Variants in DNAH5 observed in about 807,000 individuals in gnomAD.
DNAH5 encodes the protein axonemal beta dynein heavy chain 5.
In DNAH5, 372 loss-of-function variants were observed where a neutral mutation model predicts 518.2. That is an observed-to-expected ratio of 0.72 (90% confidence interval 0.66 to 0.78). The LOEUF is 0.78. Ranked by LOEUF, DNAH5 falls within the 30% of genes least tolerant of loss-of-function variation. The probability of loss-of-function intolerance (pLI) is 0.00; values close to 1 mark genes in which losing one functional copy is unlikely to be tolerated. For missense variants in DNAH5, 5,523 were observed against 5,687.0 expected (o/e 0.97, Z 0.93); for synonymous variants, 2,039 against 2,025.9 (o/e 1.01, Z -0.17).
At chr5:14,001,657 C>G (rs2152083853) in intron 1 of DNAH5, among the ~76,000 whole-genome samples, 1 of 151,994 alleles carries the variant, frequency 6.6e-6, no homozygotes, top group East Asian at 1.9e-4. Flanking sequence ...GCCACTGTGC[C>G]CAGCCTAGTT....
chr5:13,938,906 C>T lies in DNAH5; in HGVS notation c.57+5476G>A, dbSNP rs191888437. On this transcript the variant is annotated intron_variant, in intron 1 of 78. Coordinates refer to ENST00000265104, the MANE Select transcript of DNAH5 (RefSeq NM_001369.3). ...CTGTGGATGAATCAGGACAAATTCA[C>T]GAGCAGAAAAAGAAAATTATTCAAC... is the stretch of plus-strand genomic sequence containing the variant. 1.1e-4 allele frequency among the ~76,000 whole-genome samples: 17 copies of T among 152,222 alleles called. No individual in the cohort carries two copies. In the East Asian group the frequency reaches 1.2e-3, roughly 10 times the overall value.
chr5:13,864,958 C>T (rs554763704), intron 27 of DNAH5, among the ~76,000 whole-genome samples: 1 of 150,930 alleles, frequency 6.6e-6, no homozygotes, highest in East Asian at 2.0e-4. Flanking sequence ...AAGCACAAAG[C>T]ATAGCAAAGT....
Position 13,717,480 on chromosome 5 carries a change from C to T in DNAH5, c.12540G>A (p.Gln4180=). The T allele has an allele frequency of 1.2e-6, 2 of 1,614,186 alleles. No individual in the cohort carries two copies. Among genetic ancestry groups the T allele is most frequent in the East Asian group, 2.2e-5 (1 of 44,870 alleles). ...CCACTGCGTACAGCATGGGCTTCCA[C>T]TGGGACCCAGAGCTCACGTCCAGCA... is the stretch of plus-strand genomic sequence containing the variant. ...QDLLDVSSGS[Q]WKPMLYAVAF... The change falls in exon 73 of 79, where the codon CAG becomes CAA. Residue 4180 remains glutamine, a synonymous_variant. Transcript: ENST00000265104.
chr5:13,984,974 C>T (rs1382639098), intron 1 of DNAH5, among the ~76,000 whole-genome samples: 1 of 152,142 alleles, frequency 6.6e-6, no homozygotes, highest in Non-Finnish European at 1.5e-5. Context: ...AAGACACATG[C>T]ACATGTATGT....
chr5:13,868,636 G>T (rs891921032), intron 24 of DNAH5, among the ~76,000 whole-genome samples: 1 of 152,206 alleles, frequency 6.6e-6, no homozygotes, highest in Non-Finnish European at 1.5e-5. Context: ...GGTGGAATGA[G>T]TGCCTGATTA....
At chr5:13,747,291 T>C (rs1235646436) in intron 65 of DNAH5, among the ~76,000 whole-genome samples, 1 of 152,190 alleles carries the variant, frequency 6.6e-6, no homozygotes, top group Non-Finnish European at 1.5e-5. Flanking sequence ...TCTATCATTG[T>C]TGGACATTTG....
Position 13,829,653 on chromosome 5 carries a change from A to G in DNAH5, c.6301T>C (p.Phe2101Leu). The stretch of plus-strand genomic sequence containing the variant: ...GGCACCATCATGGCCACTGAGCGGA[A>G]ATTAATCTTCAAGTTTTCAGGGAGT... The part of the protein sequence containing the change: ...QELPENLKIN[F>L]RSVAMMVPDR... The change falls in exon 38 of 79, where the codon TTC (phenylalanine) becomes CTC (leucine). Residue 2101 changes from phenylalanine to leucine, a missense_variant. Transcript: ENST00000265104. 1 of 1,614,198 alleles carries G rather than the reference A, an allele frequency of 6.2e-7. No individual in the cohort carries two copies. Among genetic ancestry groups the G allele is most frequent in the Non-Finnish European group, 8.5e-7 (1 of 1,180,030 alleles).
rs1224494428 is a variant in DNAH5, at chr5:13,721,086, T to C, written c.12193A>G (p.Arg4065Gly). 6.2e-7 allele frequency: 1 copy of C among 1,614,138 alleles called. No individual in the cohort carries two copies. The highest frequency in any genetic ancestry group is 1.1e-5 in the South Asian group (1 of 91,080). Residue 4065 changes from arginine to glycine, a missense_variant, in exon 71 of 79, where the codon AGA (arginine) becomes GGA (glycine). By Grantham distance (125) the Arg-to-Gly change is moderately radical. Transcript: ENST00000265104. Reference sequence around the variant, plus strand: ...ACATAACGGGTTTCTATTTTTAATCTCTTCCCCAAGGCAATGATGGAATCT... The same window carrying C: ...ACATAACGGGTTTCTATTTTTAATCCCTTCCCCAAGGCAATGATGGAATCT... ...PTDSIIALGK[R>G]LKIETRYVSM...
intron 1 of DNAH5, among the ~76,000 whole-genome samples, chr5:13,957,473 C>A (rs1192460608): frequency 6.6e-6 from 1 of 152,130 alleles, no homozygotes; most frequent in Non-Finnish European, 1.5e-5. Flanking sequence ...TTCTAACCCA[C>A]AAGAAACTTG....
intron 29 of DNAH5, among the ~76,000 whole-genome samples, chr5:13,861,755 G>C (rs373015807): frequency 6.6e-6 from 1 of 151,972 alleles, no homozygotes; most frequent in Non-Finnish European, 1.5e-5. Flanking sequence ...CCAGGAGTTT[G>C]AGACCAGCCT....
intron 59 of DNAH5, among the ~76,000 whole-genome samples, chr5:13,763,877 G>A (rs377044541): frequency 2.0e-5 from 3 of 152,304 alleles, no homozygotes; most frequent in South Asian, 4.1e-4. Context: ...TGTCAGGAAC[G>A]TGTAATCACT....
At chr5:13,706,837 A>G (rs61527981) in intron 76 of DNAH5, among the ~76,000 whole-genome samples, 4,359 of 152,326 alleles carry the variant, frequency 0.029, 201 homozygotes, top group African/African-American at 0.095. Flanking sequence ...TACATACTAC[A>G]TACTGTATTT....
At chr5:13,970,135 T>C (rs1382677214) in intron 1 of DNAH5, among the ~76,000 whole-genome samples, 2 of 152,242 alleles carry the variant, frequency 1.3e-5, no homozygotes, top group African/African-American at 4.8e-5. Context: ...TGGTGTTCAT[T>C]TGCATGGAAT....
chr5:13,933,878 T>C (rs1478535363), intron 1 of DNAH5, among the ~76,000 whole-genome samples: 5 of 147,800 alleles, frequency 3.4e-5, no homozygotes, highest in Admixed American at 6.7e-5. Context: ...TCATGGAGAG[T>C]GACCAATAGC....
At chr5:13,810,391 T>C (rs1760462906) in intron 44 of DNAH5, 131 bp from the exon 45 acceptor site, 3 of 794,598 alleles carry the variant, frequency 3.8e-6, no homozygotes, top group Non-Finnish European at 4.2e-6. Flanking sequence ...AAAGGATGAA[T>C]ACAACTGGAG....
At chr5:13,917,109 C>G in intron 8 of DNAH5, 34 bp downstream of exon 8, 1 of 1,502,702 alleles carries the variant, frequency 6.7e-7, no homozygotes, top group Non-Finnish European at 9.3e-7. Flanking sequence ...AAAGGGTTAT[C>G]TATAGACTGA....
intron 72 of DNAH5, among the ~76,000 whole-genome samples, chr5:13,718,356 C>T (rs918232114): frequency 3.9e-5 from 6 of 152,198 alleles, no homozygotes; most frequent in African/African-American, 1.4e-4. Context: ...ATGTTCTTTT[C>T]ATGACCACAA....
At chr5:13,886,454 C>T (rs1772449404) in intron 17 of DNAH5, among the ~76,000 whole-genome samples, 1 of 152,222 alleles carries the variant, frequency 6.6e-6, no homozygotes, top group Non-Finnish European at 1.5e-5. Flanking sequence ...CGGATCCAGC[C>T]ACCCTTCTTT....
rs1012319637 is a variant in DNAH5, at chr5:13,852,719, C to A, written c.4951-1904G>T. Among the ~76,000 whole-genome samples, 33 of 145,360 alleles carry A rather than the reference C, an allele frequency of 2.3e-4. 1 individual carries two copies. The highest frequency in any genetic ancestry group is 2.1e-3 in the Admixed American group (31 of 14,664). On this transcript the variant is annotated intron_variant, in intron 30 of 78. Coordinates refer to ENST00000265104, the MANE Select transcript of DNAH5 (RefSeq NM_001369.3). ...CCACCATTACTGAGGCTTGAGTAGG[C>A]GGTTTTTCCCTCACAGTGTTAACAA...
Sources: gnomAD v4.1 joint callset for allele counts (sites outside exome capture counted in the v4.1 genomes callset) on GRCh38, gnomAD v4.1.1 for gene constraint, MANE v1.5 for transcripts, NCBI Gene and HGNC (gene_info 2026-07-23, HGNC 2026-07-21) for gene names.